Variants in NALF1 observed in about 807,000 individuals in gnomAD.
The protein encoded by NALF1 is family with sequence similarity 155 member A.
Under a neutral mutation model 48.4 loss-of-function variants are expected in NALF1, and 3 were observed. That is an observed-to-expected ratio of 0.06 (90% confidence interval 0.03 to 0.16). The LOEUF (loss-of-function observed/expected upper bound fraction) is 0.16, where lower values mean the gene tolerates loss of function less well. Ranked by LOEUF, NALF1 falls within the 10% of genes least tolerant of loss-of-function variation. The probability of loss-of-function intolerance (pLI) is 1.00; values close to 1 mark genes in which losing one functional copy is unlikely to be tolerated. For synonymous variants in NALF1, 262 were observed against 245.7 expected (o/e 1.07, Z -0.62); for missense variants, 526 against 571.5 (o/e 0.92, Z 0.81).
At chr13:107,685,307 C>G (rs532486550) in intron 1 of NALF1, among the ~76,000 whole-genome samples, 16 of 151,938 alleles carry the variant, frequency 1.1e-4, no homozygotes, top group African/African-American at 3.6e-4. Flanking sequence ...GGCGAGACAC[C>G]GTCTCAGGAA....
chr13:107,735,597 T>C (rs558401674), intron 1 of NALF1, among the ~76,000 whole-genome samples: 1 of 152,348 alleles, frequency 6.6e-6, no homozygotes, highest in Admixed American at 6.5e-5. Flanking sequence ...AACAGAAATG[T>C]GATATCCGTA....
intron 1 of NALF1, among the ~76,000 whole-genome samples, chr13:107,329,487 CTCT>C (rs1882427001): frequency 6.6e-6 from 1 of 151,046 alleles, no homozygotes; most frequent in Non-Finnish European, 1.5e-5. Context: ...TGGCTTCACT[CTCT>C]TTTTTTTTTT....
At chr13:107,770,192 C>G (rs1358779232) in intron 1 of NALF1, among the ~76,000 whole-genome samples, 1 of 152,152 alleles carries the variant, frequency 6.6e-6, no homozygotes, top group Non-Finnish European at 1.5e-5. Context: ...GAATTACAGG[C>G]GTGAGCCACC....
At chr13:107,226,625 C>T (rs577925670) in intron 1 of NALF1, among the ~76,000 whole-genome samples, 20 of 152,152 alleles carry the variant, frequency 1.3e-4, no homozygotes, top group African/African-American at 2.4e-4. Flanking sequence ...CCACTATCAA[C>T]GCACAGCAAT....
intron 1 of NALF1, among the ~76,000 whole-genome samples, chr13:107,798,104 A>G (rs180763549): frequency 6.6e-6 from 1 of 152,304 alleles, no homozygotes; most frequent in Admixed American, 6.5e-5. Context: ...AAGGATTCAT[A>G]ATTTTCCCCA....
intron 1 of NALF1, among the ~76,000 whole-genome samples, chr13:107,782,188 C>G (rs574635801): frequency 6.6e-6 from 1 of 152,188 alleles, no homozygotes; most frequent in Non-Finnish European, 1.5e-5. Flanking sequence ...CGAGTGCCTG[C>G]GATTGCAGGC....
At chr13:107,324,376 C>T (rs923318898) in intron 1 of NALF1, among the ~76,000 whole-genome samples, 3 of 152,136 alleles carry the variant, frequency 2.0e-5, no homozygotes, top group Non-Finnish European at 2.9e-5. Flanking sequence ...CCTAAACTCA[C>T]CAGAGACAAC....
At chr13:107,355,471 A>G (rs1181024354) in intron 1 of NALF1, among the ~76,000 whole-genome samples, 1 of 152,168 alleles carries the variant, frequency 6.6e-6, no homozygotes, top group Non-Finnish European at 1.5e-5. Flanking sequence ...GCCTGTTGAT[A>G]AGGTTTGGCT....
At chr13:107,675,685 A>C (rs1009367456) in intron 1 of NALF1, among the ~76,000 whole-genome samples, 7 of 152,146 alleles carry the variant, frequency 4.6e-5, no homozygotes, top group African/African-American at 1.7e-4. Context: ...CTATCTCCCT[A>C]GCTACTGCTG....
At chr13:107,756,070 T>C (rs1306620688) in intron 1 of NALF1, among the ~76,000 whole-genome samples, 1 of 152,182 alleles carries the variant, frequency 6.6e-6, no homozygotes, top group Non-Finnish European at 1.5e-5. Context: ...TGTCTAATGT[T>C]TCTTTGTTAT....
At chr13:107,231,287 G>A (rs571327645) in intron 1 of NALF1, among the ~76,000 whole-genome samples, 3 of 152,046 alleles carry the variant, frequency 2.0e-5, no homozygotes, top group South Asian at 4.1e-4. Context: ...AAAAAACTTC[G>A]TATTTCCTCA....
chr13:107,196,039 C>T (rs992887104), intron 2 of NALF1, among the ~76,000 whole-genome samples: 1 of 152,204 alleles, frequency 6.6e-6, no homozygotes, highest in South Asian at 2.1e-4. Flanking sequence ...CTTTAGTAAA[C>T]TAACACAGGA....
intron 1 of NALF1, among the ~76,000 whole-genome samples, chr13:107,388,104 C>T (rs746443901): frequency 1.3e-5 from 2 of 152,162 alleles, no homozygotes; most frequent in African/African-American, 4.8e-5. Flanking sequence ...AAACAGGTTG[C>T]TAATCTCTGG....
chr13:107,455,821 T>C lies in NALF1; in HGVS notation c.916-245066A>G, dbSNP rs1374748896. On this transcript the variant is annotated intron_variant, in intron 1 of 2. Transcript: ENST00000375915. ...GATTGTCTTCTTTCACTTCATAATA[T>C]GCATTCAATCTTCCCCTGTGTCTTT... Among the ~76,000 whole-genome samples the C allele has an allele frequency of 2.0e-5, 3 of 152,250 alleles. No homozygotes were observed. In the East Asian group the frequency reaches 5.8e-4, roughly 29 times the overall value.
chr13:107,336,660 G>A lies in NALF1; in HGVS notation c.916-125905C>T, dbSNP rs191905136. Among the ~76,000 whole-genome samples, 137 of 152,158 alleles carry A rather than the reference G, an allele frequency of 9.0e-4. 1 individual carries two copies. The highest frequency in any genetic ancestry group is 1.7e-3 in the Non-Finnish European group (115 of 68,004). The stretch of plus-strand genomic sequence containing the variant: ...TCCGTGGTATTAATGGGATCTGAAT[G>A]TTAATTTCATGTAACATAAAATTGT... On this transcript the variant is annotated intron_variant, in intron 1 of 2. Transcript: ENST00000375915.
intron 1 of NALF1, among the ~76,000 whole-genome samples, chr13:107,584,270 G>C (rs1022955331): frequency 2.0e-5 from 3 of 152,116 alleles, no homozygotes; most frequent in African/African-American, 4.8e-5. Context: ...ATATATCACA[G>C]TTATTTAAGA....
intron 1 of NALF1, among the ~76,000 whole-genome samples, chr13:107,529,013 A>C (rs1876538929): frequency 6.6e-6 from 1 of 152,144 alleles, no homozygotes; most frequent in African/African-American, 2.4e-5. Flanking sequence ...TTCCAATAAA[A>C]GTATGAATTT....
intron 1 of NALF1, among the ~76,000 whole-genome samples, chr13:107,706,997 A>C (rs1442743769): frequency 7.9e-6 from 1 of 126,790 alleles, no homozygotes; most frequent in African/African-American, 3.1e-5. Flanking sequence ...ATCTCGGCTC[A>C]CTGCAAGCTC....
intron 1 of NALF1, among the ~76,000 whole-genome samples, chr13:107,786,214 C>T (rs975199519): frequency 3.3e-5 from 5 of 151,172 alleles, no homozygotes; most frequent in East Asian, 2.0e-4. Context: ...GTCAAGAGTT[C>T]GAGACTGGTC....
Sources: gnomAD v4.1 joint callset for allele counts (sites outside exome capture counted in the v4.1 genomes callset) on GRCh38, gnomAD v4.1.1 for gene constraint, MANE v1.5 for transcripts, NCBI Gene and HGNC (gene_info 2026-07-23, HGNC 2026-07-21) for gene names.